CCNY: variants seen among roughly 807,000 people sequenced by gnomAD.
The protein encoded by CCNY is cyclin-Y.
In CCNY, 19 loss-of-function variants were observed where a neutral mutation model predicts 42.8. The ratio of observed to expected loss-of-function variants is 0.44; its 90% CI spans 0.31 to 0.65. The LOEUF is 0.65. Ranked by LOEUF, CCNY falls within the 30% of genes least tolerant of loss-of-function variation. The pLI is 0.07. For missense variants in CCNY, 370 were observed against 437.3 expected (o/e 0.85, Z 1.37); for synonymous variants, 165 against 162.7 (o/e 1.01, Z -0.11).
At chr10:35,364,009 T>C (rs925986850) in intron 1 of CCNY, among the ~76,000 whole-genome samples, 4 of 152,202 alleles carry the variant, frequency 2.6e-5, no homozygotes, top group Admixed American at 1.3e-4. Context: ...ATATTTGTGT[T>C]TACAAACTTT....
At chr10:35,497,986 A>G (rs1001030158) in intron 2 of CCNY, among the ~76,000 whole-genome samples, 2 of 152,112 alleles carry the variant, frequency 1.3e-5, no homozygotes, top group Non-Finnish European at 2.9e-5. Flanking sequence ...TCCAGGAATC[A>G]TAAGACACAA....
intron 3 of CCNY, among the ~76,000 whole-genome samples, chr10:35,514,504 G>A (rs1400219074): frequency 1.3e-5 from 2 of 152,132 alleles, no homozygotes; most frequent in Non-Finnish European, 2.9e-5. Context: ...ACACAGAGGG[G>A]TGGTGCCCTC....
chr10:35,444,359 T>C (rs1589125604), intron 1 of CCNY, among the ~76,000 whole-genome samples: 1 of 151,880 alleles, frequency 6.6e-6, no homozygotes, highest in Admixed American at 6.6e-5. Flanking sequence ...GCTATTCTCC[T>C]GCCTCAGCCT....
intron 1 of CCNY, among the ~76,000 whole-genome samples, chr10:35,415,287 A>G (rs940252538): frequency 2.0e-5 from 3 of 152,020 alleles, no homozygotes; most frequent in African/African-American, 7.2e-5. Context: ...TCCTGAGGGC[A>G]GGAGGGCTGT....
intron 1 of CCNY, among the ~76,000 whole-genome samples, chr10:35,471,401 T>C (rs565244517): frequency 6.6e-6 from 1 of 152,322 alleles, no homozygotes; most frequent in South Asian, 2.1e-4. Flanking sequence ...TTATGATGGC[T>C]GCTTTTCTTA....
At chr10:35,514,496 A>AC (rs1840389371) in intron 3 of CCNY, among the ~76,000 whole-genome samples, 1 of 152,154 alleles carries the variant, frequency 6.6e-6, no homozygotes, top group African/African-American at 2.4e-5. Flanking sequence ...GATGGTGCAC[A>AC]CAGAGGGGTG....
At chr10:35,426,144 C>G (rs1838266009) in intron 1 of CCNY, among the ~76,000 whole-genome samples, 1 of 145,732 alleles carries the variant, frequency 6.9e-6, no homozygotes. Context: ...CACACACACA[C>G]ACACACACAC....
chr10:35,524,450 CATGTT>C (rs1840608581), intron 4 of CCNY, among the ~76,000 whole-genome samples: 1 of 152,174 alleles, frequency 6.6e-6, no homozygotes, highest in African/African-American at 2.4e-5. Context: ...TAGCTACTGT[CATGTT>C]AAGTCACAGG....
chr10:35,567,423 A>G (rs1841594437), intron 9 of CCNY, among the ~76,000 whole-genome samples: 1 of 152,212 alleles, frequency 6.6e-6, no homozygotes, highest in African/African-American at 2.4e-5. Context: ...ATCCCTGGGG[A>G]GAGACCCCTC....
chr10:35,364,210 G>C (rs901543993), intron 1 of CCNY, among the ~76,000 whole-genome samples: 10 of 152,036 alleles, frequency 6.6e-5, no homozygotes, highest in Non-Finnish European at 1.3e-4. Context: ...CATTTCTCAC[G>C]TGACTTCTGG....
chr10:35,505,644 A>C (rs763103792), intron 3 of CCNY, among the ~76,000 whole-genome samples: 9 of 152,208 alleles, frequency 5.9e-5, no homozygotes, highest in Non-Finnish European at 1.2e-4. Context: ...GTGGGTCATA[A>C]TTCCAGACCT....
chr10:35,400,081 C>T (rs1049722443), intron 1 of CCNY, among the ~76,000 whole-genome samples: 8 of 151,902 alleles, frequency 5.3e-5, no homozygotes, highest in Admixed American at 6.5e-5. Flanking sequence ...TGCTTCCCAT[C>T]GCAGATCTCC....
intron 1 of CCNY, among the ~76,000 whole-genome samples, chr10:35,407,796 G>C (rs542525514): frequency 1.1e-3 from 161 of 152,168 alleles, no homozygotes; most frequent in African/African-American, 3.5e-3. Context: ...GAAGGGGGGT[G>C]GGGAGCAGCC....
intron 1 of CCNY, among the ~76,000 whole-genome samples, chr10:35,470,769 C>T (rs1391122205): frequency 6.6e-6 from 1 of 152,216 alleles, no homozygotes; most frequent in African/African-American, 2.4e-5. Flanking sequence ...TGGAGCAAAC[C>T]AGCCTGGTCA....
chr10:35,307,442 A>T (rs1370278029), intron 3 of CCNY, among the ~76,000 whole-genome samples: 1 of 152,194 alleles, frequency 6.6e-6, no homozygotes, highest in Non-Finnish European at 1.5e-5. Flanking sequence ...GACGGAGATT[A>T]TGTTAGAGCT....
chr10:35,515,504 C>T (rs1564442059), intron 3 of CCNY, among the ~76,000 whole-genome samples: 2 of 152,128 alleles, frequency 1.3e-5, no homozygotes, highest in African/African-American at 4.8e-5. Flanking sequence ...AACGTTGAGG[C>T]TTCCTTTACT....
chr10:35,324,009 C>T (rs1022702014), intron 3 of CCNY, among the ~76,000 whole-genome samples: 14 of 138,050 alleles, frequency 1.0e-4, no homozygotes, highest in African/African-American at 3.9e-4. Flanking sequence ...TACAGTGAGA[C>T]TTTGCCTCAA....
chr10:35,301,986 G>A (rs1014584321), intron 3 of CCNY, among the ~76,000 whole-genome samples: 12 of 150,788 alleles, frequency 8.0e-5, no homozygotes, highest in East Asian at 2.0e-4. Context: ...TTTTTGAGGC[G>A]GAGTTTTGCT....
chr10:35,458,279 C>T (rs1225352558), intron 1 of CCNY, among the ~76,000 whole-genome samples: 1 of 152,208 alleles, frequency 6.6e-6, no homozygotes, highest in Admixed American at 6.5e-5. Flanking sequence ...TGACTTGGCC[C>T]TTTCCCTCTT....
Sources: allele counts gnomAD v4.1 joint callset (sites outside exome capture counted in the v4.1 genomes callset), GRCh38; gene constraint gnomAD v4.1.1; transcripts MANE v1.5; gene names NCBI Gene and HGNC (gene_info 2026-07-23, HGNC 2026-07-21).